Variants in TBC1D8 observed in about 807,000 individuals in gnomAD.
TBC1D8 encodes the protein TBC1 domain family member 8.
Under a neutral mutation model 118.8 loss-of-function variants are expected in TBC1D8, and 65 were observed. The observed-to-expected ratio is 0.55, with a 90% CI of 0.45 to 0.67. The LOEUF is 0.67. Ranked by LOEUF, TBC1D8 falls within the 30% of genes least tolerant of loss-of-function variation. The probability of loss-of-function intolerance (pLI) is 0.00; values close to 1 mark genes in which losing one functional copy is unlikely to be tolerated. For missense variants in TBC1D8, 1,376 were observed against 1,471.2 expected (o/e 0.94, Z 1.06); for synonymous variants, 566 against 595.8 (o/e 0.95, Z 0.73).
At chr2:101,050,085 C>T (rs1681966791) in intron 5 of TBC1D8, among the ~76,000 whole-genome samples, 1 of 152,176 alleles carries the variant, frequency 6.6e-6, no homozygotes, top group South Asian at 2.1e-4. Context: ...CCTCAGCCTC[C>T]CAAAGTGCTG....
intron 2 of TBC1D8, among the ~76,000 whole-genome samples, chr2:101,086,942 C>T (rs1277063208): frequency 1.3e-5 from 2 of 152,064 alleles, no homozygotes; most frequent in Non-Finnish European, 2.9e-5. Flanking sequence ...CACAACCACC[C>T]CTGGCTAATT....
chr2:101,121,143 G>A (rs937611216), intron 1 of TBC1D8, among the ~76,000 whole-genome samples: 3 of 152,084 alleles, frequency 2.0e-5, no homozygotes, highest in Non-Finnish European at 4.4e-5. Context: ...TCACTAAGGC[G>A]CTCTTTTGAG....
At chr2:101,039,604 G>A (rs1484561717) in intron 6 of TBC1D8, among the ~76,000 whole-genome samples, 1 of 152,174 alleles carries the variant, frequency 6.6e-6, no homozygotes, top group Non-Finnish European at 1.5e-5. Flanking sequence ...CCAAAGGACT[G>A]AGCTGCTCAG....
At chr2:101,061,310 C>T (rs1364310097) in intron 2 of TBC1D8, among the ~76,000 whole-genome samples, 2 of 151,966 alleles carry the variant, frequency 1.3e-5, no homozygotes, top group African/African-American at 2.4e-5. Context: ...CAAGAAGGTG[C>T]CAGGGGACCG....
chr2:101,089,538 T>G (rs545373688), intron 2 of TBC1D8, among the ~76,000 whole-genome samples: 176 of 152,204 alleles, frequency 1.2e-3, no homozygotes, highest in Non-Finnish European at 2.2e-3. Context: ...GTAATGCCTG[T>G]GATAGGAACA....
intron 1 of TBC1D8, among the ~76,000 whole-genome samples, chr2:101,094,096 C>T (rs888516782): frequency 6.6e-6 from 1 of 152,112 alleles, no homozygotes; most frequent in African/African-American, 2.4e-5. Context: ...ATAACACACC[C>T]CACCCCTGCA....
chr2:101,035,950 C>T (rs765844915), intron 9 of TBC1D8, 68 bp downstream of exon 9: 109 of 1,568,268 alleles, frequency 7.0e-5, no homozygotes, highest in Middle Eastern at 6.4e-4. Context: ...ACGCGCTGCT[C>T]GGGTCCGGGC....
In TBC1D8 at chr2:101,007,969, A is replaced by C; in HGVS notation, c.3320T>G (p.Leu1107Arg). The C allele has an allele frequency of 6.2e-7, 1 of 1,614,074 alleles. No individual in the cohort carries two copies. The highest frequency in any genetic ancestry group is 8.5e-7 in the Non-Finnish European group (1 of 1,179,898). The change falls in exon 20 of 20, where the codon CTT (leucine) becomes CGT (arginine). Residue 1107 changes from leucine to arginine, a missense_variant. Leu to Arg is a moderately radical substitution (Grantham distance 102, BLOSUM62 -2). Transcript: ENST00000409318. ...GTTGACTAATGACTGTTCAGTCAGA[A>C]GTGAAGCTAAAATATGTTCAAGGGA... ...TVSLEHILAS[L>R]LTEQSLVNFF...
chr2:101,034,706 C>T lies in TBC1D8; in HGVS notation c.1604-948G>A, dbSNP rs541107868. Among the ~76,000 whole-genome samples the T allele has an allele frequency of 3.9e-4, 59 of 152,366 alleles. No homozygotes were observed. The South Asian group carries it at 9.5e-3, about 25-fold the overall frequency. On this transcript the variant is annotated intron_variant, in intron 9 of 19. Coordinates refer to ENST00000409318, the MANE Select transcript of TBC1D8 (RefSeq NM_001330348.2). ...GGAATGCAGACCTTGGGCAGTGACA[C>T]GCCTCACAATCAGGTGGTGGGATTC...
intron 2 of TBC1D8, among the ~76,000 whole-genome samples, chr2:101,063,028 T>C (rs924897639): frequency 4.6e-5 from 7 of 152,148 alleles, no homozygotes; most frequent in African/African-American, 1.7e-4. Context: ...ACTTTGTGCT[T>C]CCACTTACAG....
chr2:101,024,667 A>C (rs1680233695), intron 15 of TBC1D8, among the ~76,000 whole-genome samples: 1 of 152,150 alleles, frequency 6.6e-6, no homozygotes. Context: ...CTGGCCTCCC[A>C]CAGTGCTGGG....
At chr2:101,039,065 G>C (rs1375990351) in intron 6 of TBC1D8, among the ~76,000 whole-genome samples, 1 of 152,232 alleles carries the variant, frequency 6.6e-6, no homozygotes, top group East Asian at 1.9e-4. Flanking sequence ...TAGGGGCTGG[G>C]GGAAGGGGAA....
At chr2:101,025,918 A>T (rs1680311972) in intron 15 of TBC1D8, among the ~76,000 whole-genome samples, 1 of 152,238 alleles carries the variant, frequency 6.6e-6, no homozygotes, top group Admixed American at 6.5e-5. Flanking sequence ...ACAGACCTGA[A>T]TTTATGTGAT....
chr2:101,065,733 A>AAAAACAGACTTTTTT (rs1682978451), intron 2 of TBC1D8, among the ~76,000 whole-genome samples: 1 of 152,224 alleles, frequency 6.6e-6, no homozygotes, highest in Non-Finnish European at 1.5e-5. Context: ...GAAATTAAAG[A>AAAAACAGACTTTTTT]GTCCTAAAAG....
At chr2:101,073,286 A>ATTT (rs1558676266) in intron 2 of TBC1D8, among the ~76,000 whole-genome samples, 3 of 142,856 alleles carry the variant, frequency 2.1e-5, no homozygotes, top group African/African-American at 8.0e-5. Context: ...ATTTTATTTT[A>ATTT]TTTTATTTTA....
At chr2:101,066,452 G>A (rs1226402500) in intron 2 of TBC1D8, among the ~76,000 whole-genome samples, 1 of 151,910 alleles carries the variant, frequency 6.6e-6, no homozygotes. Flanking sequence ...CAATATGGGG[G>A]AAAAATCAAT....
chr2:101,128,745 T>C (rs906316856), intron 1 of TBC1D8, among the ~76,000 whole-genome samples: 3 of 152,202 alleles, frequency 2.0e-5, no homozygotes, highest in Non-Finnish European at 4.4e-5. Flanking sequence ...ATACATACAA[T>C]AGAATATCAT....
intron 9 of TBC1D8, among the ~76,000 whole-genome samples, chr2:101,034,409 A>G (rs1466261122): frequency 6.6e-6 from 1 of 152,214 alleles, no homozygotes; most frequent in Non-Finnish European, 1.5e-5. Flanking sequence ...AAGGGGGCGC[A>G]GCTATGACAA....
At chr2:101,129,629 T>G (rs1391857647) in intron 1 of TBC1D8, among the ~76,000 whole-genome samples, 1 of 151,168 alleles carries the variant, frequency 6.6e-6, no homozygotes, top group Non-Finnish European at 1.5e-5. Context: ...CTAGCCCAAG[T>G]CCGTGGCGGC....
Sources: allele counts gnomAD v4.1 joint callset (sites outside exome capture counted in the v4.1 genomes callset), GRCh38; gene constraint gnomAD v4.1.1; transcripts MANE v1.5; gene names NCBI Gene and HGNC (gene_info 2026-07-23, HGNC 2026-07-21).